The following CTBP2 variants were observed in gnomAD, a reference collection of about 807,000 sequenced individuals.
CTBP2 encodes C-terminal-binding protein 2.
Under a neutral mutation model 80.3 loss-of-function variants are expected in CTBP2, and 30 were observed. The ratio of observed to expected loss-of-function variants is 0.37; its 90% CI spans 0.28 to 0.51. CTBP2 has a LOEUF of 0.51. Ranked by LOEUF, CTBP2 falls within the 20% of genes least tolerant of loss-of-function variation. The pLI, the probability that CTBP2 is intolerant of heterozygous loss-of-function variation, is 0.93. For missense variants in CTBP2, 1,212 were observed against 1,375.3 expected, an observed-to-expected ratio of 0.88 and a Z score of 1.88; for synonymous variants, 594 against 587.4, an observed-to-expected ratio of 1.01 and a Z score of -0.16.
chr10:125,122,977 A>T (rs960226353), intron 1 of CTBP2: 1 of 152,218 alleles, frequency 6.6e-6, no homozygotes, highest in Non-Finnish European at 1.5e-5. Context: ...CCAATCCTCA[A>T]AGGCGGCAAT....
chr10:124,989,378 T>C lies in CTBP2; in HGVS notation c.*140A>G. The C allele has an allele frequency of 1.0e-6, 1 of 970,658 alleles. No individual in the cohort carries two copies. The highest frequency in any genetic ancestry group is 1.6e-6 in the Non-Finnish European group (1 of 609,404). The allele number at this position is 970,658 out of a possible 1,614,324, so 60.1% of individuals were successfully genotyped here. A position where few individuals can be genotyped will look rare whatever the true frequency, so the allele number is the denominator to read the frequency against. On this transcript the variant is annotated 3_prime_UTR_variant, in exon 9 of 9. Transcript: ENST00000309035. ...ATCTTCAGTTTTCTAGCTCTTGTAG[T>C]TTCAACACTGCAACATCAATGATGC...
intron 2 of CTBP2, among the ~76,000 whole-genome samples, chr10:125,106,605 CAG>C (rs1851498853): frequency 6.6e-6 from 1 of 152,202 alleles, no homozygotes; most frequent in Non-Finnish European, 1.5e-5. Context: ...TCAGTGGCAA[CAG>C]AGACTCCTGG....
chr10:125,005,623 C>T (rs574762059), intron 1 of CTBP2: 51 of 1,612,924 alleles, frequency 3.2e-5, no homozygotes, highest in East Asian at 2.0e-4. Context: ...CCGCGAGATC[C>T]GCAACAGCAC....
intron 1 of CTBP2, among the ~76,000 whole-genome samples, chr10:125,140,836 A>G (rs1369470629): frequency 2.6e-5 from 4 of 151,602 alleles, no homozygotes; most frequent in African/African-American, 9.7e-5. Flanking sequence ...AACAATAAAA[A>G]GAATATTAAA....
At chr10:125,097,700 T>C (rs1849749362) in intron 2 of CTBP2, among the ~76,000 whole-genome samples, 2 of 151,528 alleles carry the variant, frequency 1.3e-5, no homozygotes, top group South Asian at 4.2e-4. Context: ...TGTGAGCATG[T>C]ACATGTGCCT....
intron 1 of CTBP2, among the ~76,000 whole-genome samples, chr10:125,151,607 T>G (rs1026810685): frequency 6.6e-6 from 1 of 152,156 alleles, no homozygotes; most frequent in Non-Finnish European, 1.5e-5. Flanking sequence ...TCAACGAACC[T>G]CACCACTCAC....
At chr10:124,990,414 T>C (rs530410343) in intron 8 of CTBP2, among the ~76,000 whole-genome samples, 2 of 152,322 alleles carry the variant, frequency 1.3e-5, no homozygotes, top group African/African-American at 4.8e-5. Context: ...AATTTTTATA[T>C]AAAACACTGG....
chr10:125,023,315 G>C (rs1957234874), intron 1 of CTBP2, among the ~76,000 whole-genome samples: 1 of 152,244 alleles, frequency 6.6e-6, no homozygotes, highest in Admixed American at 6.5e-5. Context: ...CCCAGGGTGT[G>C]TCCTGAGCTG....
intron 1 of CTBP2, among the ~76,000 whole-genome samples, chr10:125,024,182 C>T (rs898707793): frequency 6.6e-6 from 1 of 152,214 alleles, no homozygotes; most frequent in Non-Finnish European, 1.5e-5. Context: ...AACGTACAGC[C>T]ATGTACACAG....
chr10:125,156,279 AGATT>A (rs1238749864), intron 1 of CTBP2, among the ~76,000 whole-genome samples: 1 of 152,218 alleles, frequency 6.6e-6, no homozygotes, highest in African/African-American at 2.4e-5. Flanking sequence ...TTTCCCTGAT[AGATT>A]AACAGAGGGA....
chr10:125,070,022 T>TC (rs1845219691), intron 2 of CTBP2, among the ~76,000 whole-genome samples: 1 of 151,402 alleles, frequency 6.6e-6, no homozygotes, highest in African/African-American at 2.4e-5. Context: ...AGCTCAGCAG[T>TC]TTTATATATA....
chr10:125,094,782 G>A lies in CTBP2; in HGVS notation c.-102+16208C>T, dbSNP rs1392140427. 3.3e-5 allele frequency among the ~76,000 whole-genome samples: 5 copies of A among 152,174 alleles called. No homozygotes were observed. The East Asian group carries it at 9.7e-4, about 29-fold the overall frequency. ...CAACAGTGCCAAAGTAGAAACTCCT[G>A]CCTTAAAGGAATCGTAAGTTGAAGT... On this transcript the variant is annotated intron_variant, in intron 2 of 10. Transcript: ENST00000337195.
intron 1 of CTBP2, among the ~76,000 whole-genome samples, chr10:125,009,033 TAG>T (rs1402447325): frequency 1.3e-5 from 2 of 152,120 alleles, no homozygotes; most frequent in African/African-American, 4.8e-5. Flanking sequence ...TCGGGACAAA[TAG>T]AGAATGTGAG....
chr10:125,043,696 A>G (rs1404585563), intron 2 of CTBP2, among the ~76,000 whole-genome samples: 1 of 151,918 alleles, frequency 6.6e-6, no homozygotes, highest in Non-Finnish European at 1.5e-5. Flanking sequence ...TCAGCCTCCC[A>G]AAGTGCTGGG....
intron 1 of CTBP2, among the ~76,000 whole-genome samples, chr10:125,116,270 G>A (rs549924572): frequency 6.6e-6 from 1 of 152,326 alleles, no homozygotes; most frequent in African/African-American, 2.4e-5. Context: ...GACGGGTAGT[G>A]TGCAGGTCAC....
At position 125,027,117 on chromosome 10, in the gene CTBP2, T is replaced by C; in HGVS notation, c.643A>G (p.Ser215Gly). The C allele has an allele frequency of 6.2e-7, 1 of 1,605,984 alleles. No individual in the cohort carries two copies. The highest frequency in any genetic ancestry group is 1.7e-5 in the Admixed American group (1 of 59,662). ...GGGGCAGGGTCAATGGGTCTTTCGC[T>C]GATGTCGCTGAAGACCTGGCTGAGG... Residue 215 changes from serine (S) to glycine (G), a missense_variant, in exon 1 of 9, where the codon AGC (serine) becomes GGC (glycine). Around this residue, in one of 3 missense-constraint regions of CTBP2, gnomAD observed 848 missense variants for 782.3 expected, o/e 1.08. Coordinates refer to ENST00000309035, the MANE Select transcript of CTBP2 (RefSeq NM_022802.3).
intron 1 of CTBP2, among the ~76,000 whole-genome samples, chr10:125,159,399 G>A (rs1296225892): frequency 7.0e-6 from 1 of 143,040 alleles, no homozygotes; most frequent in African/African-American, 2.5e-5. Context: ...CAGAGGAAAT[G>A]CCCGGCCCGC....
chr10:124,989,770 T>C (rs1952339382), intron 8 of CTBP2, 72 bp from the exon 11 acceptor site: 2 of 1,422,058 alleles, frequency 1.4e-6, no homozygotes, highest in Admixed American at 2.7e-5. Context: ...CTTCTACTTC[T>C]GGCCTTTTCA....
chr10:125,016,569 TG>T (rs1256057795), intron 1 of CTBP2, among the ~76,000 whole-genome samples: 1 of 152,244 alleles, frequency 6.6e-6, no homozygotes, highest in Non-Finnish European at 1.5e-5. Flanking sequence ...CAGCCAAGGC[TG>T]AGATGGGAGA....
Sources: gnomAD v4.1 joint callset for allele counts (sites outside exome capture counted in the v4.1 genomes callset) on GRCh38, gnomAD v4.1.1 for gene constraint, gnomAD v4.1.1 regional missense constraint, MANE v1.5 for transcripts, NCBI Gene and HGNC (gene_info 2026-07-23, HGNC 2026-07-21) for gene names.